PCDH9: variants seen among roughly 807,000 people sequenced by gnomAD.
PCDH9 encodes protocadherin 9.
PCDH9 carries 24 observed loss-of-function variants against 70.6 expected under a neutral mutation model. The observed-to-expected ratio is 0.34, with a 90% CI of 0.25 to 0.48. PCDH9 has a LOEUF of 0.48. PCDH9 is among the 20% of genes least tolerant of loss of function. PCDH9 has a pLI of 0.99. For synonymous variants in PCDH9, 562 were observed against 558.5 expected (o/e 1.01, Z -0.09); for missense variants, 1,281 against 1,503.6 (o/e 0.85, Z 2.45).
At chr13:66,498,459 A>G (rs1024158774) in intron 4 of PCDH9, among the ~76,000 whole-genome samples, 2 of 152,102 alleles carry the variant, frequency 1.3e-5, no homozygotes, top group African/African-American at 4.8e-5. Context: ...ACCACAGGCA[A>G]GGAGTGTTGA....
chr13:66,934,708 CTTTTTTTTTTTTTT>C (rs1158291293), intron 2 of PCDH9, among the ~76,000 whole-genome samples: 1 of 47,304 alleles, frequency 2.1e-5, no homozygotes, highest in Admixed American at 3.7e-4. Context: ...CATGTGTTTG[CTTTTTTTTTTTTTT>C]TTTTTTTTTT....
chr13:67,055,512 T>G (rs2085400942), intron 2 of PCDH9, among the ~76,000 whole-genome samples: 3 of 152,154 alleles, frequency 2.0e-5, no homozygotes, highest in African/African-American at 4.8e-5. Context: ...CAGGTGGATT[T>G]ATATCCTAAG....
intron 4 of PCDH9, among the ~76,000 whole-genome samples, chr13:66,313,777 C>T (rs138049727): frequency 3.9e-5 from 6 of 152,236 alleles, no homozygotes; most frequent in African/African-American, 1.4e-4. Flanking sequence ...TCTGGGTTAG[C>T]GTTTCCACTT....
At chr13:66,907,547 C>T (rs2082383867) in intron 2 of PCDH9, among the ~76,000 whole-genome samples, 1 of 152,190 alleles carries the variant, frequency 6.6e-6, no homozygotes, top group Admixed American at 6.5e-5. Context: ...TTATCATTCA[C>T]TACCTATAGA....
intron 2 of PCDH9, among the ~76,000 whole-genome samples, chr13:67,192,653 C>G (rs1410085198): frequency 2.0e-5 from 3 of 152,050 alleles, no homozygotes; most frequent in Non-Finnish European, 4.4e-5. Context: ...AGAAGGAAGG[C>G]TGAATAACTA....
rs543711001 is a variant in PCDH9 at position 66,903,507 on chromosome 13, G to A, written c.3135C>T (p.Tyr1045=). ...FHIQENEESH[Y]ESQRRVTFHL... ...TCTCTATAGATATATGGCATACCTC[G>A]TAATGGCTTTCTTCATTCTCCTGAA... The change falls in exon 3 of 5, where the codon TAC becomes TAT. Residue 1045 remains tyrosine, a synonymous_variant. Coordinates refer to ENST00000377865, the MANE Select transcript of PCDH9 (RefSeq NM_203487.3). The A allele has an allele frequency of 2.8e-5, 39 of 1,412,216 alleles. No homozygotes were observed. The highest frequency in any genetic ancestry group is 1.2e-4 in the Admixed American group (7 of 58,990). 87.5% of individuals were successfully genotyped at this position (1,412,216 alleles called of 1,614,324 possible). A position where few individuals can be genotyped will look rare whatever the true frequency, so the allele number is the denominator to read the frequency against.
At chr13:66,624,963 T>G (rs76419149) in intron 4 of PCDH9, among the ~76,000 whole-genome samples, 1 of 152,044 alleles carries the variant, frequency 6.6e-6, no homozygotes, top group Admixed American at 6.5e-5. Context: ...CGTAAAAAAA[T>G]AGCCTAATGT....
intron 4 of PCDH9, among the ~76,000 whole-genome samples, chr13:66,340,630 C>T (rs572474895): frequency 6.6e-6 from 1 of 152,232 alleles, no homozygotes; most frequent in South Asian, 2.1e-4. Context: ...AGACTTTATT[C>T]TTTTTAATCT....
chr13:66,510,604 T>C (rs1959424125), intron 4 of PCDH9, among the ~76,000 whole-genome samples: 1 of 152,124 alleles, frequency 6.6e-6, no homozygotes, highest in African/African-American at 2.4e-5. Flanking sequence ...AGTGAGAACA[T>C]GCGGTGTTTG....
At chr13:66,963,067 T>C (rs1451674471) in intron 2 of PCDH9, among the ~76,000 whole-genome samples, 5 of 152,134 alleles carry the variant, frequency 3.3e-5, no homozygotes, top group Admixed American at 3.3e-4. Flanking sequence ...AACCCTCGCA[T>C]GCTCAGTTCA....
intron 4 of PCDH9, among the ~76,000 whole-genome samples, chr13:66,518,268 G>A (rs775386097): frequency 1.3e-5 from 2 of 152,056 alleles, no homozygotes; most frequent in Non-Finnish European, 2.9e-5. Context: ...GGAGGATGGT[G>A]CTAAGCCATT....
intron 4 of PCDH9, among the ~76,000 whole-genome samples, chr13:66,599,131 A>G (rs1165028582): frequency 6.6e-6 from 1 of 151,842 alleles, no homozygotes; most frequent in Non-Finnish European, 1.5e-5. Flanking sequence ...GTTAATATAC[A>G]GAATATATAT....
intron 4 of PCDH9, among the ~76,000 whole-genome samples, chr13:66,403,337 G>T (rs908375043): frequency 2.6e-5 from 4 of 151,128 alleles, no homozygotes; most frequent in Admixed American, 6.6e-5. Context: ...TGTAGAGATT[G>T]TGTTTCACCA....
intron 3 of PCDH9, among the ~76,000 whole-genome samples, chr13:66,828,359 TA>T (rs1594114108): frequency 1.3e-5 from 2 of 152,158 alleles, no homozygotes; most frequent in South Asian, 2.1e-4. Context: ...TTTATAACCA[TA>T]AAAAATAAAC....
rs770161202 is a variant in PCDH9, at chr13:66,746,438, T to C, written c.3139-115027A>G. Among the ~76,000 whole-genome samples, 18 of 152,274 alleles carry C rather than the reference T, an allele frequency of 1.2e-4. No individual in the cohort carries two copies. In the East Asian group the frequency reaches 2.1e-3, roughly 18 times the overall value. Reference sequence around the variant, plus strand: ...AAATACAATTCCTGATCAAATTGTATGTCCTTTTCCTGAAAACAGTGAATT... The same window carrying C: ...AAATACAATTCCTGATCAAATTGTACGTCCTTTTCCTGAAAACAGTGAATT... On this transcript the variant is annotated intron_variant, in intron 3 of 4. Coordinates refer to ENST00000377865, the MANE Select transcript of PCDH9 (RefSeq NM_203487.3).
At chr13:67,173,328 A>G (rs2088349641) in intron 2 of PCDH9, among the ~76,000 whole-genome samples, 1 of 152,236 alleles carries the variant, frequency 6.6e-6, no homozygotes, top group African/African-American at 2.4e-5. Flanking sequence ...AGGTACAGGT[A>G]TTGAATCCAC....
chr13:67,208,630 A>G (rs1351995213), intron 2 of PCDH9: 1 of 152,176 alleles, frequency 6.6e-6, no homozygotes, highest in Non-Finnish European at 1.5e-5. Flanking sequence ...TACTGCTATA[A>G]GTAAATTTAC....
At chr13:66,965,339 C>T (rs372297534) in intron 2 of PCDH9, among the ~76,000 whole-genome samples, 9 of 152,176 alleles carry the variant, frequency 5.9e-5, no homozygotes, top group Admixed American at 1.3e-4. Flanking sequence ...ACACAATGGC[C>T]ATTTCAACAT....
intron 2 of PCDH9, among the ~76,000 whole-genome samples, chr13:66,954,760 T>C (rs1044619023): frequency 2.0e-5 from 3 of 152,136 alleles, no homozygotes; most frequent in Non-Finnish European, 4.4e-5. Context: ...GATAGAACTT[T>C]TTTTGTTTTG....
Sources: gnomAD v4.1 joint callset for allele counts (sites outside exome capture counted in the v4.1 genomes callset) on GRCh38, gnomAD v4.1.1 for gene constraint, MANE v1.5 for transcripts, NCBI Gene and HGNC (gene_info 2026-07-23, HGNC 2026-07-21) for gene names.